Variants in SPIRE1 observed in about 807,000 individuals in gnomAD.
The protein encoded by SPIRE1 is protein spire homolog 1.
A neutral mutation model predicts 94.1 loss-of-function variants in SPIRE1; 40 were observed. The observed-to-expected ratio is 0.43, with a 90% CI of 0.33 to 0.55. The LOEUF is 0.55. Ranked by LOEUF, SPIRE1 falls within the 20% of genes least tolerant of loss-of-function variation. SPIRE1 has a pLI of 0.06. For synonymous variants in SPIRE1, 376 were observed against 371.7 expected (o/e 1.01, Z -0.13); for missense variants, 838 against 975.2 (o/e 0.86, Z 1.87).
At position 12,606,688 on chromosome 18, in the gene SPIRE1, G is replaced by A. The variant is rs2036987620; in HGVS notation, c.372+28374C>T. Among the ~76,000 whole-genome samples the A allele has an allele frequency of 2.0e-5, 3 of 152,066 alleles. No homozygotes were observed. The South Asian group carries it at 6.2e-4, about 31-fold the overall frequency. ...TGGGATTACAAGCATGCACCACCAT[G>A]CCCAGCTAATTTTTATACTTTTGGT... is the stretch of plus-strand genomic sequence containing the variant. On this transcript the variant is annotated intron_variant, in intron 2 of 16. Transcript: ENST00000409402.
intron 2 of SPIRE1, among the ~76,000 whole-genome samples, chr18:12,626,749 A>T (rs1428987821): frequency 6.6e-6 from 1 of 151,958 alleles, no homozygotes; most frequent in East Asian, 1.9e-4. Flanking sequence ...CAAATTACTT[A>T]ACCTCTCTAT....
chr18:12,532,574 A>G (rs1426847893), intron 4 of SPIRE1, among the ~76,000 whole-genome samples: 1 of 152,236 alleles, frequency 6.6e-6, no homozygotes, highest in Non-Finnish European at 1.5e-5. Context: ...CACTTGGTAC[A>G]CACTAACTCA....
chr18:12,583,329 T>C (rs2036305525), intron 2 of SPIRE1, among the ~76,000 whole-genome samples: 1 of 152,000 alleles, frequency 6.6e-6, no homozygotes, highest in South Asian at 2.1e-4. Context: ...AAAGGCCGGG[T>C]ATGGTGGCGC....
chr18:12,573,832 C>T (rs971987476), intron 2 of SPIRE1, among the ~76,000 whole-genome samples: 7 of 152,168 alleles, frequency 4.6e-5, no homozygotes, highest in East Asian at 1.9e-4. Flanking sequence ...CTCCGCCTCC[C>T]GGGTTCACGC....
At chr18:12,652,399 A>G (rs2038405150) in intron 1 of SPIRE1, among the ~76,000 whole-genome samples, 1 of 152,206 alleles carries the variant, frequency 6.6e-6, no homozygotes, top group Non-Finnish European at 1.5e-5. Context: ...AACTGCATAA[A>G]CACTGGAGAA....
At chr18:12,494,551 C>T (rs762549396) in intron 7 of SPIRE1, among the ~76,000 whole-genome samples, 3 of 151,868 alleles carry the variant, frequency 2.0e-5, no homozygotes, top group Admixed American at 2.0e-4. Context: ...AAACCTCGGC[C>T]GGGCACGGTG....
rs140885594 is a variant in SPIRE1 at position 12,481,222 on chromosome 18, C to T, written c.1232-1351G>A. Among the ~76,000 whole-genome samples, 7 of 151,944 alleles carry T rather than the reference C, an allele frequency of 4.6e-5. 1 individual carries two copies. The highest frequency in any genetic ancestry group is 3.9e-4 in the East Asian group (2 of 5,168). On this transcript the variant is annotated intron_variant, in intron 9 of 16. Coordinates refer to ENST00000409402, the MANE Select transcript of SPIRE1 (RefSeq NM_001128626.2). Reference sequence around the variant, plus strand: ...GTGGACGCCTGTAATCCCAGCTACTCGAGAGGCTGAGGCAGGAGAATCAAA... The same window carrying T: ...GTGGACGCCTGTAATCCCAGCTACTTGAGAGGCTGAGGCAGGAGAATCAAA...
intron 1 of SPIRE1, among the ~76,000 whole-genome samples, chr18:12,648,890 C>CAAAAA (rs56696562): frequency 1.5e-3 from 130 of 85,302 alleles, no homozygotes; most frequent in Non-Finnish European, 1.9e-3. Flanking sequence ...AACTCCGTCT[C>CAAAAA]AAAAAAAAAA....
intron 2 of SPIRE1, among the ~76,000 whole-genome samples, chr18:12,569,713 A>T (rs898128654): frequency 2.6e-5 from 4 of 152,060 alleles, no homozygotes; most frequent in Non-Finnish European, 4.4e-5. Flanking sequence ...GGCAGGTGGA[A>T]AACCGTTGCT....
At chr18:12,655,467 C>A (rs573292655) in intron 1 of SPIRE1, among the ~76,000 whole-genome samples, 1 of 152,122 alleles carries the variant, frequency 6.6e-6, no homozygotes, top group Admixed American at 6.6e-5. Flanking sequence ...TTTTAGGCAA[C>A]AGAAAATGCT....
chr18:12,502,561 C>T (rs2033699969), intron 6 of SPIRE1, among the ~76,000 whole-genome samples: 1 of 152,074 alleles, frequency 6.6e-6, no homozygotes, highest in South Asian at 2.1e-4. Flanking sequence ...TCGTACAACC[C>T]TTCTGGAGAG....
chr18:12,621,517 T>C (rs1387914328), intron 2 of SPIRE1, among the ~76,000 whole-genome samples: 1 of 152,182 alleles, frequency 6.6e-6, no homozygotes, highest in East Asian at 1.9e-4. Context: ...AGTATATCCA[T>C]ACTATGGAAT....
At chr18:12,547,450 G>C (rs554320497) in intron 2 of SPIRE1, among the ~76,000 whole-genome samples, 1 of 152,118 alleles carries the variant, frequency 6.6e-6, no homozygotes, top group South Asian at 2.1e-4. Flanking sequence ...TATTACTGCC[G>C]GGCAAATGAA....
At chr18:12,479,937 C>A (rs1192546765) in intron 9 of SPIRE1, 66 bp from the exon 10 acceptor site, 6 of 1,472,914 alleles carry the variant, frequency 4.1e-6, no homozygotes, top group Non-Finnish European at 5.5e-6. Context: ...GGAAGCATAC[C>A]AGGTAACAGA....
chr18:12,502,676 A>T (rs114048385), intron 6 of SPIRE1, among the ~76,000 whole-genome samples: 4,813 of 152,284 alleles, frequency 0.032, 257 homozygotes, highest in African/African-American at 0.11. Context: ...AAAAATTTAA[A>T]CCATGGGGAT....
intron 4 of SPIRE1, among the ~76,000 whole-genome samples, chr18:12,513,598 A>C (rs1207674507): frequency 6.6e-6 from 1 of 151,884 alleles, no homozygotes; most frequent in Non-Finnish European, 1.5e-5. Flanking sequence ...ATCTCAGCTC[A>C]CTATAACCTC....
chr18:12,613,475 C>A (rs957578971), intron 2 of SPIRE1, among the ~76,000 whole-genome samples: 1 of 152,206 alleles, frequency 6.6e-6, no homozygotes, highest in African/African-American at 2.4e-5. Flanking sequence ...TCTCTCTGCT[C>A]CTTTAGCCAA....
In SPIRE1 at chr18:12,487,863, T is replaced by G. The variant is rs150209966; in HGVS notation, c.1190-1863A>C. Among the ~76,000 whole-genome samples the G allele has an allele frequency of 7.0e-3, 1,067 of 152,316 alleles. 9 individuals carry two copies. Among genetic ancestry groups the G allele is most frequent in the African/African-American group, 0.024 (1,017 of 41,552 alleles). On this transcript the variant is annotated intron_variant, in intron 8 of 16. Coordinates refer to ENST00000409402, the MANE Select transcript of SPIRE1 (RefSeq NM_001128626.2). ...TAAAAAGGTTATTGCAGAGATGTGA[T>G]GATTTTAGGTATTCATGACAGCGAG...
At chr18:12,570,719 A>G (rs1380200082) in intron 2 of SPIRE1, among the ~76,000 whole-genome samples, 2 of 152,160 alleles carry the variant, frequency 1.3e-5, no homozygotes, top group African/African-American at 2.4e-5. Context: ...CTACTCTCCC[A>G]CAGAGCCGCA....
Sources: gnomAD v4.1 joint callset for allele counts (sites outside exome capture counted in the v4.1 genomes callset) on GRCh38, gnomAD v4.1.1 for gene constraint, MANE v1.5 for transcripts, NCBI Gene and HGNC (gene_info 2026-07-23, HGNC 2026-07-21) for gene names.